SGSH: variants seen among roughly 807,000 people sequenced by gnomAD.
SGSH encodes heparan sulfate sulfatase.
SGSH carries 48 observed loss-of-function variants against 51.0 expected under a neutral mutation model. That is an observed-to-expected ratio of 0.94 (90% CI 0.75 to 1.20). SGSH has a LOEUF of 1.20. SGSH is among the 50% of genes most tolerant of loss of function. The pLI, the probability that SGSH is intolerant of heterozygous loss-of-function variation, is 0.00. For synonymous variants in SGSH, 321 were observed against 313.4 expected (o/e 1.02, Z -0.26); for missense variants, 662 against 717.8 (o/e 0.92, Z 0.89).
Position 80,213,766 on chromosome 17 carries a change from C to T in SGSH, c.745+38G>A, listed in dbSNP as rs767253428. On this transcript the variant is annotated intron_variant, in intron 6 of 7. Coordinates refer to ENST00000326317, the MANE Select transcript of SGSH (RefSeq NM_000199.5). The surrounding 1 kb of genome is among the most constrained non-coding windows in gnomAD (Gnocchi z 4.6). ...CTGGCCCAGGATGGGGGACCCCGGC[C>T]GTGGCACCCCCTCCAGTGCCCGGTT... 9.7e-6 allele frequency: 15 copies of T among 1,550,920 alleles called. No individual in the cohort carries two copies. The highest frequency in any genetic ancestry group is 2.7e-5 in the African/African-American group (2 of 74,260).
rs944435096 is a variant in SGSH, at chr17:80,220,280, G to C, written c.34C>G (p.Leu12Val). ...SCPVPACCAL[L>V]LVLGLCRARP... ...GCCCGGCAGAGCCCCAGGACTAGCA[G>C]CAGCGCGCAGCAGGCGGGCACGGGG... The change falls in exon 1 of 8, where the codon CTG becomes GTG. Residue 12 changes from leucine (L) to valine (V), a missense_variant. By Grantham distance (32) the Leu-to-Val change is conservative (BLOSUM62 1). Coordinates refer to ENST00000326317, the MANE Select transcript of SGSH (RefSeq NM_000199.5). The C allele has an allele frequency of 2.0e-6, 3 of 1,519,778 alleles. No homozygotes were observed. In the Admixed American group the frequency reaches 6.0e-5, roughly 30 times the overall value. 94.1% of individuals were successfully genotyped at this position (1,519,778 alleles called of 1,614,324 possible).
downstream of SGSH, among the ~76,000 whole-genome samples, chr17:80,206,112 A>G (rs1288902089): frequency 1.3e-5 from 2 of 152,198 alleles, no homozygotes; most frequent in East Asian, 3.9e-4. Flanking sequence ...AGATTTTCCC[A>G]GTGAAAAATC....
chr17:80,204,083 C>T (rs1598705943), downstream of SGSH: 2 of 877,700 alleles, frequency 2.3e-6, no homozygotes, highest in South Asian at 1.8e-5. Context: ...TGCACAAGTG[C>T]AGACACACCT....
In SGSH at chr17:80,210,033, G is replaced by A; in HGVS notation, c.*419C>T. 1 of 1,097,916 alleles carries A rather than the reference G, an allele frequency of 9.1e-7. No individual in the cohort carries two copies. Among genetic ancestry groups the A allele is most frequent in the South Asian group, 2.8e-5 (1 of 36,358 alleles). 68.0% of individuals were successfully genotyped at this position (1,097,916 alleles called of 1,614,324 possible). ...CTGCCTGCTCTCTGTGAAGGGTTCA[G>A]AAGTATCTGTGGCTGCCAAAGCCTG... On this transcript the variant is annotated 3_prime_UTR_variant, in exon 8 of 8. Transcript: ENST00000326317.
chr17:80,204,615 ACT>A (rs2041175944), downstream of SGSH: 2 of 362,740 alleles, frequency 5.5e-6, no homozygotes, highest in Non-Finnish European at 1.0e-5. Flanking sequence ...TAAGAGCAAA[ACT>A]CTGTCTCAGG....
chr17:80,214,294 G>A lies in SGSH; in HGVS notation c.541C>T (p.His181Tyr). The A allele has an allele frequency of 1.2e-6, 2 of 1,613,190 alleles. No homozygotes were observed. Among genetic ancestry groups the A allele is most frequent in the Non-Finnish European group, 1.7e-6 (2 of 1,180,022 alleles). Reference sequence around the variant, plus strand: ...TGGGGCTGGGAGTGCCCACAGCGGTGGGGGTCGTGGAAGGCGACGTAGAGG... The same window carrying A: ...TGGGGCTGGGAGTGCCCACAGCGGTAGGGGTCGTGGAAGGCGACGTAGAGG... The part of the protein sequence containing the change: ...FFLYVAFHDP[H>Y]RCGHSQPQYG... Residue 181 changes from histidine (H) to tyrosine (Y), a missense_variant, in exon 5 of 8, where the codon CAC (histidine) becomes TAC (tyrosine). By Grantham distance (83) the His-to-Tyr change is moderately conservative (BLOSUM62 2). Transcript: ENST00000326317.
At position 80,213,734 on chromosome 17, in the gene SGSH, G is replaced by C. The variant is rs1243464543; in HGVS notation, c.745+70C>G. ...TCACCCACATTATGCCGTGACCTAA[G>C]AGGGCGCTGGCCCAGGATGGGGGAC... On this transcript the variant is annotated intron_variant, in intron 6 of 7. Coordinates refer to ENST00000326317, the MANE Select transcript of SGSH (RefSeq NM_000199.5). This position sits in a 1 kb window ranked among gnomAD's most constrained non-coding sequence, Gnocchi z 4.6. 2.3e-6 allele frequency: 3 copies of C among 1,332,714 alleles called. No homozygotes were observed. Among genetic ancestry groups the C allele is most frequent in the African/African-American group, 1.4e-5 (1 of 69,994 alleles). The allele number at this position is 1,332,714 out of a possible 1,614,324, so 82.6% of individuals were successfully genotyped here.
At chr17:80,214,994 G>A in intron 3 of SGSH, 39 bp downstream of exon 3, 1 of 1,554,762 alleles carries the variant, frequency 6.4e-7, no homozygotes, top group Non-Finnish European at 8.8e-7. Flanking sequence ...TGGCCTCTGT[G>A]CCTCACCCCA....
downstream of SGSH, chr17:80,205,332 C>T: frequency 8.7e-7 from 1 of 1,156,068 alleles, no homozygotes; most frequent in Middle Eastern, 2.2e-4. Context: ...CCCACACTCA[C>T]CTGCTGTGTC....
rs1488422969 is a variant in SGSH at position 80,213,847 on chromosome 17, G to A, written c.702C>T (p.Ala234=). 4.4e-6 allele frequency: 7 copies of A among 1,608,650 alleles called. No individual in the cohort carries two copies. Among genetic ancestry groups the A allele is most frequent in the East Asian group, 2.2e-5 (1 of 44,752 alleles). The change falls in exon 6 of 8, where the codon GCC becomes GCT. Residue 234 remains alanine (A), a synonymous_variant. Transcript: ENST00000326317. This position sits in a 1 kb window ranked among gnomAD's most constrained non-coding sequence, Gnocchi z 4.6. The part of the protein sequence containing the change: ...YFVPNTPAAR[A]DLAAQYTTVG... ...CGGTGGTGTACTGAGCGGCCAGGTC[G>A]GCTCGGGCTGCCGGGGTGTTGGGGA...
chr17:80,217,244 C>A, intron 1 of SGSH, 52 bp from the exon 2 acceptor site: 1 of 1,566,420 alleles, frequency 6.4e-7, no homozygotes, highest in Non-Finnish European at 8.6e-7. Context: ...TCACGAGAAA[C>A]AGCACTGGGA....
chr17:80,219,900 G>A, intron 1 of SGSH: 4 of 285,542 alleles, frequency 1.4e-5, no homozygotes, highest in Non-Finnish European at 2.6e-5. Flanking sequence ...CCCCTCCTCT[G>A]GGATCCCCTC....
downstream of SGSH, chr17:80,202,354 C>T (rs747104642): frequency 6.2e-6 from 10 of 1,613,276 alleles, no homozygotes; most frequent in Admixed American, 1.7e-4. Flanking sequence ...TGCTGGCATG[C>T]CCACCGCGTG....
downstream of SGSH, chr17:80,208,156 G>A (rs2041450692): frequency 7.1e-6 from 11 of 1,544,258 alleles, no homozygotes; most frequent in Non-Finnish European, 9.6e-6. Flanking sequence ...TACAGCGGTT[G>A]GGCACCTCAG....
downstream of SGSH, chr17:80,201,885 C>T: frequency 6.2e-7 from 1 of 1,601,770 alleles, no homozygotes; most frequent in South Asian, 1.1e-5. The surrounding 1 kb of genome is among the most constrained non-coding windows in gnomAD (Gnocchi z 5.0). Context: ...ACATACCACT[C>T]CTCTCGTGTG....
At chr17:80,211,986 G>A in intron 7 of SGSH, 85 bp downstream of exon 7, 1 of 1,063,976 alleles carries the variant, frequency 9.4e-7, no homozygotes, top group South Asian at 1.3e-5. Flanking sequence ...ATTAGGTAAT[G>A]GGTGTGGAGC....
At position 80,214,168 on chromosome 17, in the gene SGSH, C is replaced by T. The variant is rs766771816; in HGVS notation, c.663+4G>A. ...GTCCTGAAACACAGGAGGGGCCGTC[C>T]TACCAGCACGTCCAGTGGGTCGTAG... On this transcript the variant is annotated splice_donor_region_variant and intron_variant, in intron 5 of 7. Transcript: ENST00000326317. 1.7e-5 allele frequency: 27 copies of T among 1,606,430 alleles called. No homozygotes were observed. The highest frequency in any genetic ancestry group is 2.5e-6 in the Non-Finnish European group (3 of 1,177,606).
At chr17:80,205,039 C>T (rs189286068), downstream of SGSH, 628 of 1,593,392 alleles carry the variant, frequency 3.9e-4, 6 homozygotes, top group East Asian at 0.014. Context: ...CCACAGGCTC[C>T]AGCACGTGCT....
downstream of SGSH, chr17:80,205,590 G>A (rs1313115913): frequency 1.9e-6 from 3 of 1,575,518 alleles, no homozygotes; most frequent in African/African-American, 1.3e-5. Flanking sequence ...CATCCAGGAG[G>A]GAGAGGTGTC....
Sources: allele counts gnomAD v4.1 joint callset (sites outside exome capture counted in the v4.1 genomes callset), GRCh38; gene constraint gnomAD v4.1.1; non-coding constraint Gnocchi (gnomAD v3.1); transcripts MANE v1.5; gene names NCBI Gene and HGNC (gene_info 2026-07-23, HGNC 2026-07-21).